EMILIN2: variants seen among roughly 807,000 people sequenced by gnomAD.
EMILIN2 encodes EMILIN-2.
A neutral mutation model predicts 87.1 loss-of-function variants in EMILIN2; 71 were observed. The observed-to-expected ratio is 0.82, with a 90% CI of 0.67 to 0.99. The LOEUF (loss-of-function observed/expected upper bound fraction) is 0.99, where lower values mean the gene tolerates loss of function less well. Among genes scored for constraint, EMILIN2 ranks in the 50% least tolerant of loss-of-function variants. The pLI is 0.00. For missense variants in EMILIN2, 1,407 were observed against 1,371.8 expected (o/e 1.03, Z -0.40); for synonymous variants, 581 against 563.4 (o/e 1.03, Z -0.44).
At chr18:2,846,414 T>A (rs1463483376), upstream of EMILIN2, among the ~76,000 whole-genome samples, 1 of 152,220 alleles carries the variant, frequency 6.6e-6, no homozygotes, top group Admixed American at 6.5e-5. The surrounding 1 kb of genome is among the most constrained non-coding windows in gnomAD (Gnocchi z 5.3). Flanking sequence ...TGCAGCAGCC[T>A]CTGGGAATTG....
At chr18:2,862,741 A>G (rs1254563955) in intron 2 of EMILIN2, among the ~76,000 whole-genome samples, 4 of 152,104 alleles carry the variant, frequency 2.6e-5, no homozygotes, top group Non-Finnish European at 5.9e-5. Flanking sequence ...CTCATAAAAT[A>G]AGTTAGGGAG....
intron 2 of EMILIN2, among the ~76,000 whole-genome samples, chr18:2,865,987 A>C (rs2076684720): frequency 6.6e-6 from 1 of 152,328 alleles, no homozygotes; most frequent in South Asian, 2.1e-4. Flanking sequence ...GCGAGGCTTC[A>C]TGGGTGTAGG....
Position 2,911,331 on chromosome 18 carries a change from C to T in EMILIN2, c.2824+1512C>T, listed in dbSNP as rs148440819. Among the ~76,000 whole-genome samples, 1,227 of 152,316 alleles carry T rather than the reference C, an allele frequency of 8.1e-3. 22 individuals carry two copies. Among genetic ancestry groups the T allele is most frequent in the African/African-American group, 0.028 (1,166 of 41,550 alleles). ...TTTCCTGGAGTTGTGCATGTGCCCA[C>T]GTGAGGTGTTCTTCCTGTACCAGTC... On this transcript the variant is annotated intron_variant, in intron 7 of 7. Transcript: ENST00000254528.
upstream of EMILIN2, chr18:2,846,892 T>C: frequency 1.0e-6 from 1 of 987,770 alleles, no homozygotes. This position sits in a 1 kb window ranked among gnomAD's most constrained non-coding sequence, Gnocchi z 5.3. Flanking sequence ...ACGGGGAGAC[T>C]TGGTGGGGGG....
At position 2,861,913 on chromosome 18, in the gene EMILIN2, C is replaced by T. The variant is rs568429291; in HGVS notation, c.257+13982C>T. On this transcript the variant is annotated intron_variant, in intron 2 of 7. Transcript: ENST00000254528. ...TTGTATCCTCTTTTATTTCATTGAG[C>T]AGTGGTTTGTAGTTCTCCTTGAAGA... 3.8e-3 allele frequency among the ~76,000 whole-genome samples: 576 copies of T among 152,216 alleles called. 4 individuals carry two copies. Among genetic ancestry groups the T allele is most frequent in the African/African-American group, 0.013 (555 of 41,508 alleles).
At chr18:2,869,430 C>T (rs914312365) in intron 2 of EMILIN2, among the ~76,000 whole-genome samples, 1 of 152,220 alleles carries the variant, frequency 6.6e-6, no homozygotes, top group South Asian at 2.1e-4. Flanking sequence ...TTTCTCTCCA[C>T]GTACCCCCTC....
intron 7 of EMILIN2, among the ~76,000 whole-genome samples, 157 bp downstream of exon 7, chr18:2,909,976 A>G (rs1325598662): frequency 6.6e-6 from 1 of 151,984 alleles, no homozygotes; most frequent in Non-Finnish European, 1.5e-5. Flanking sequence ...CCTCTGCCCG[A>G]CTCTGTGGGC....
intron 2 of EMILIN2, among the ~76,000 whole-genome samples, chr18:2,849,655 T>C (rs889004542): frequency 2.0e-5 from 3 of 152,206 alleles, no homozygotes; most frequent in African/African-American, 7.2e-5. Context: ...TCTGTTGTTT[T>C]ATTAAACAAA....
In EMILIN2 at chr18:2,892,404, G is replaced by A; in HGVS notation, c.2277G>A (p.Lys759=). ...RSHSRDISGL[K]NSVQQFYSHV... ...ATTCCAGAGACATTTCTGGCCTGAA[G>A]AATTCAGTCCAGCAGTTCTACAGCC... The change falls in exon 4 of 8, where the codon AAG becomes AAA. Residue 759 remains lysine, a synonymous_variant. Coordinates refer to ENST00000254528, the MANE Select transcript of EMILIN2 (RefSeq NM_032048.3). 1 of 1,614,022 alleles carries A rather than the reference G, an allele frequency of 6.2e-7. No individual in the cohort carries two copies. Among genetic ancestry groups the A allele is most frequent in the Non-Finnish European group, 8.5e-7 (1 of 1,180,028 alleles).
intron 2 of EMILIN2, among the ~76,000 whole-genome samples, chr18:2,861,845 T>C (rs1047644682): frequency 1.3e-5 from 2 of 152,368 alleles, no homozygotes; most frequent in Non-Finnish European, 2.9e-5. Context: ...TTTCATGATA[T>C]TGATTCTTCC....
intron 4 of EMILIN2, among the ~76,000 whole-genome samples, chr18:2,900,617 C>T (rs764834060): frequency 2.6e-5 from 4 of 152,170 alleles, no homozygotes; most frequent in Non-Finnish European, 5.9e-5. Flanking sequence ...GCCCTCCTGT[C>T]CCGCAGGGGA....
rs753031081 is a variant in EMILIN2 at position 2,913,067 on chromosome 18, G to C, written c.2825G>C (p.Gly942Ala). Residue 942 changes from glycine to alanine, a missense_variant and splice_region_variant, in exon 8 of 8, where the codon GGG becomes GCG. Transcript: ENST00000254528. ...ACAGGGTTTGCCTTTCTCCCCGCAG[G>C]GGTCTTCACGGCTCCTTATGATGGG... ...NDGDVYNPST[G>A]VFTAPYDGRY... The C allele has an allele frequency of 6.2e-7, 1 of 1,608,186 alleles. No individual in the cohort carries two copies. The highest frequency in any genetic ancestry group is 1.3e-5 in the African/African-American group (1 of 74,920).
At chr18:2,867,382 T>C (rs2076691773) in intron 2 of EMILIN2, among the ~76,000 whole-genome samples, 1 of 152,142 alleles carries the variant, frequency 6.6e-6, no homozygotes. Context: ...TGATCATTCT[T>C]GGGTGTTTCT....
intron 4 of EMILIN2, among the ~76,000 whole-genome samples, chr18:2,905,258 CCT>C (rs1373898089): frequency 8.0e-6 from 1 of 124,590 alleles, no homozygotes; most frequent in African/African-American, 3.1e-5. Context: ...GGAGAAACTG[CCT>C]CTCTCAGGGT....
At position 2,848,894 on chromosome 18, in the gene EMILIN2, C is replaced by T. The variant is rs1052621408; in HGVS notation, c.257+963C>T. Among the ~76,000 whole-genome samples, 14 of 152,176 alleles carry T rather than the reference C, an allele frequency of 9.2e-5. No individual in the cohort carries two copies. The highest frequency in any genetic ancestry group is 2.9e-5 in the Non-Finnish European group (2 of 68,030). ...GACTGGAACTTGTACTCCAGGAAACCTTATTCCAGAGAACAGTAGATGAGC... is the reference window on the plus strand; with the variant it reads ...GACTGGAACTTGTACTCCAGGAAACTTTATTCCAGAGAACAGTAGATGAGC... On this transcript the variant is annotated intron_variant, in intron 2 of 7. Coordinates refer to ENST00000254528, the MANE Select transcript of EMILIN2 (RefSeq NM_032048.3). The surrounding 1 kb of genome is among the most constrained non-coding windows in gnomAD (Gnocchi z 4.1).
intron 2 of EMILIN2, among the ~76,000 whole-genome samples, chr18:2,849,579 G>A (rs1816152325): frequency 6.6e-6 from 1 of 152,364 alleles, no homozygotes. Context: ...ATGCAAGGCA[G>A]TGGGAGTGCA....
In EMILIN2 at chr18:2,885,036, T is replaced by C. The variant is rs778733874; in HGVS notation, c.330T>C (p.Cys110=). The C allele has an allele frequency of 1.2e-6, 2 of 1,613,894 alleles. No individual in the cohort carries two copies. Among genetic ancestry groups the C allele is most frequent in the South Asian group, 1.1e-5 (1 of 90,972 alleles). ...KTVTQLEWRC[C]PGFRGGDCQE... is the part of the protein sequence containing the mutation. Reference sequence around the variant, plus strand: ...TGACACAGTTGGAATGGAGGTGCTGTCCTGGCTTTAGAGGGGGAGATTGCC... The same window carrying C: ...TGACACAGTTGGAATGGAGGTGCTGCCCTGGCTTTAGAGGGGGAGATTGCC... Residue 110 remains cysteine, a synonymous_variant, in exon 3 of 8, where the codon TGT becomes TGC. Transcript: ENST00000254528.
chr18:2,847,180 G>A lies in EMILIN2; in HGVS notation c.-9G>A. ...CCCGGGCAGGCGGGGCGCGCCCGCT[G>A]CGCGCGGGATGTGGCAGCCCAGACG... On this transcript the variant is annotated 5_prime_UTR_variant, in exon 1 of 8. Transcript: ENST00000254528. The surrounding 1 kb of genome is among the most constrained non-coding windows in gnomAD (Gnocchi z 4.5). 2.7e-6 allele frequency: 3 copies of A among 1,121,318 alleles called. No individual in the cohort carries two copies. Among genetic ancestry groups the A allele is most frequent in the Non-Finnish European group, 3.3e-6 (3 of 921,456 alleles). 69.5% of individuals were successfully genotyped at this position (1,121,318 alleles called of 1,614,324 possible).
chr18:2,869,786 T>TGTTTGTGTGTGTG (rs1568461094), intron 2 of EMILIN2, among the ~76,000 whole-genome samples: 1 of 59,068 alleles, frequency 1.7e-5, no homozygotes, highest in African/African-American at 5.9e-5. Flanking sequence ...GTGTGTGTGT[T>TGTTTGTGTGTGTG]TGTGTGTGTG....
Sources: gnomAD v4.1 joint callset for allele counts (sites outside exome capture counted in the v4.1 genomes callset) on GRCh38, gnomAD v4.1.1 for gene constraint, Gnocchi (gnomAD v3.1) non-coding constraint, MANE v1.5 for transcripts, NCBI Gene and HGNC (gene_info 2026-07-23, HGNC 2026-07-21) for gene names.